Variants in NBAS observed in about 807,000 individuals in gnomAD.
NBAS encodes NAG/BC035112 fusion.
NBAS carries 219 observed loss-of-function variants against 302.5 expected under a neutral mutation model. The ratio of observed to expected loss-of-function variants is 0.72; its 90% CI spans 0.65 to 0.81. NBAS has a LOEUF of 0.81. Ranked by LOEUF, NBAS falls within the 30% of genes least tolerant of loss-of-function variation. NBAS has a pLI of 0.00. For synonymous variants in NBAS, 1,118 were observed against 1,021.6 expected (o/e 1.09, Z -1.80); for missense variants, 2,932 against 2,841.6 (o/e 1.03, Z -0.72).
intron 44 of NBAS, among the ~76,000 whole-genome samples, chr2:15,248,674 A>C (rs928925569): frequency 6.6e-6 from 1 of 152,224 alleles, no homozygotes; most frequent in African/African-American, 2.4e-5. Context: ...CCATCAGAGA[A>C]TACTATAAAC....
At chr2:14,926,340 T>C in the NBAS span, among the ~76,000 whole-genome samples, 1 of 151,348 alleles carries the variant, frequency 6.6e-6, no homozygotes, top group African/African-American at 2.4e-5. Context: ...TTTGCAAGAG[T>C]TTTCAAAGAG....
In NBAS at chr2:15,383,934, C is replaced by T. The variant is rs547755652; in HGVS notation, c.3258-617G>A. 2.6e-5 allele frequency among the ~76,000 whole-genome samples: 4 copies of T among 152,298 alleles called. No individual in the cohort carries two copies. The East Asian group carries it at 7.7e-4, about 29-fold the overall frequency. On this transcript the variant is annotated intron_variant, in intron 28 of 51. Coordinates refer to ENST00000281513, the MANE Select transcript of NBAS (RefSeq NM_015909.4). Reference sequence around the variant, plus strand: ...ATCTTCTCAAGTGACCGCCCCAGTACAAGAAGCCAGAGCCTCAGAGAGTAG... The same window carrying T: ...ATCTTCTCAAGTGACCGCCCCAGTATAAGAAGCCAGAGCCTCAGAGAGTAG...
intron 48 of NBAS, among the ~76,000 whole-genome samples, chr2:15,206,432 A>G (rs772604034): frequency 1.3e-5 from 2 of 152,216 alleles, no homozygotes; most frequent in Non-Finnish European, 2.9e-5. Context: ...GGTAGAAAAA[A>G]AAAAACACTA....
At chr2:15,326,913 T>A (rs917716837) in intron 38 of NBAS, among the ~76,000 whole-genome samples, 1 of 152,108 alleles carries the variant, frequency 6.6e-6, no homozygotes, top group African/African-American at 2.4e-5. Context: ...AAATAAGCTA[T>A]AGTATCAGCT....
At chr2:14,940,979 A>G in the NBAS span, among the ~76,000 whole-genome samples, 1 of 152,242 alleles carries the variant, frequency 6.6e-6, no homozygotes, top group Admixed American at 6.5e-5. Context: ...CCTTCTAAAT[A>G]TAAAAGCCTA....
intron 14 of NBAS, 48 bp from the exon 15 acceptor site, chr2:15,474,372 A>G: frequency 6.7e-7 from 1 of 1,502,934 alleles, no homozygotes; most frequent in South Asian, 1.2e-5. Context: ...AAATAAGAAT[A>G]ACTTTTTAGA....
the NBAS span, among the ~76,000 whole-genome samples, chr2:14,780,205 A>T: frequency 6.6e-6 from 1 of 152,346 alleles, no homozygotes; most frequent in South Asian, 2.1e-4. Flanking sequence ...TTGAAAATTG[A>T]TTAGAGTTCA....
chr2:14,847,699 C>T, the NBAS span, among the ~76,000 whole-genome samples: 1 of 152,040 alleles, frequency 6.6e-6, no homozygotes, highest in African/African-American at 2.4e-5. Flanking sequence ...ACTTCAACAC[C>T]CCACTTTCAG....
At chr2:14,896,648 A>G in the NBAS span, among the ~76,000 whole-genome samples, 1 of 152,086 alleles carries the variant, frequency 6.6e-6, no homozygotes, top group Non-Finnish European at 1.5e-5. Flanking sequence ...CACTGACTGT[A>G]CATCAGTACT....
At chr2:15,177,416 C>T (rs568940213) in intron 51 of NBAS, among the ~76,000 whole-genome samples, 6 of 152,202 alleles carry the variant, frequency 3.9e-5, no homozygotes, top group East Asian at 3.9e-4. Flanking sequence ...AGTTAGGGAC[C>T]GCCTGTGCTA....
At chr2:15,521,125 T>C (rs1378356432) in intron 9 of NBAS, among the ~76,000 whole-genome samples, 1 of 152,250 alleles carries the variant, frequency 6.6e-6, no homozygotes, top group African/African-American at 2.4e-5. Flanking sequence ...TACTGTGTAA[T>C]GAAATCAAGT....
chr2:14,903,323 T>G, the NBAS span, among the ~76,000 whole-genome samples: 1 of 122,446 alleles, frequency 8.2e-6, no homozygotes, highest in Non-Finnish European at 1.9e-5. Flanking sequence ...TGAAATAAGC[T>G]TTGCAAAAAA....
the NBAS span, among the ~76,000 whole-genome samples, chr2:15,102,630 G>C: frequency 6.6e-6 from 1 of 152,118 alleles, no homozygotes; most frequent in Non-Finnish European, 1.5e-5. Context: ...TTAAGACAAA[G>C]AGAATCTGTG....
chr2:15,007,802 G>A, the NBAS span, among the ~76,000 whole-genome samples: 10 of 152,264 alleles, frequency 6.6e-5, no homozygotes, highest in East Asian at 7.7e-4. Context: ...AAAAGAGCTT[G>A]GATTTGGTCA....
At chr2:15,382,981 C>T (rs1359335005) in intron 29 of NBAS, among the ~76,000 whole-genome samples, 1 of 152,062 alleles carries the variant, frequency 6.6e-6, no homozygotes, top group African/African-American at 2.4e-5. Context: ...GTACGATTCA[C>T]ATTTTCTAGC....
the NBAS span, among the ~76,000 whole-genome samples, chr2:14,781,893 C>A: frequency 6.6e-6 from 1 of 152,148 alleles, no homozygotes; most frequent in African/African-American, 2.4e-5. Context: ...CATTCTCTAA[C>A]TCCTGAAGCA....
the NBAS span, among the ~76,000 whole-genome samples, chr2:15,043,929 C>A: frequency 8.5e-5 from 13 of 152,062 alleles, no homozygotes; most frequent in Non-Finnish European, 1.9e-4. Context: ...TTGATGCATT[C>A]GGGCAGAGAT....
intron 32 of NBAS, among the ~76,000 whole-genome samples, chr2:15,364,924 G>A (rs1465358104): frequency 2.6e-5 from 4 of 152,130 alleles, no homozygotes; most frequent in Admixed American, 6.5e-5. Context: ...TGGATGGTTC[G>A]TAAAGCAGTA....
At chr2:14,842,577 G>GA in the NBAS span, among the ~76,000 whole-genome samples, 6 of 151,688 alleles carry the variant, frequency 4.0e-5, no homozygotes, top group African/African-American at 1.5e-4. Context: ...ATAATAAATG[G>GA]AAAAAATTAC....
Sources: gnomAD v4.1 joint callset for allele counts (sites outside exome capture counted in the v4.1 genomes callset) on GRCh38, gnomAD v4.1.1 for gene constraint, MANE v1.5 for transcripts, NCBI Gene and HGNC (gene_info 2026-07-23, HGNC 2026-07-21) for gene names.